PRKCH: variants seen among roughly 807,000 people sequenced by gnomAD.
PRKCH encodes protein kinase C eta type.
Under a neutral mutation model 82.5 loss-of-function variants are expected in PRKCH, and 28 were observed. That is an observed-to-expected ratio of 0.34 (90% CI 0.25 to 0.47). The LOEUF (loss-of-function observed/expected upper bound fraction) is 0.47. Among genes scored for constraint, PRKCH ranks in the 20% least tolerant of loss-of-function variants. The pLI, the probability that PRKCH is intolerant of heterozygous loss-of-function variation, is 1.00. For synonymous variants in PRKCH, 322 were observed against 327.4 expected, an observed-to-expected ratio of 0.98 and a Z score of 0.18; for missense variants, 705 against 881.8, an observed-to-expected ratio of 0.80 and a Z score of 2.54.
intron 1 of PRKCH, among the ~76,000 whole-genome samples, chr14:61,376,897 G>T (rs1468413207): frequency 6.6e-6 from 1 of 152,136 alleles, no homozygotes; most frequent in Non-Finnish European, 1.5e-5. Context: ...TGTATTCCTT[G>T]CAGCTTCTGT....
chr14:61,233,947 C>T (rs536638916), intron 1 of PRKCH, among the ~76,000 whole-genome samples: 2 of 152,290 alleles, frequency 1.3e-5, no homozygotes, highest in South Asian at 4.1e-4. Context: ...CTTTTACCCT[C>T]GGATACTATT....
intron 7 of PRKCH, among the ~76,000 whole-genome samples, chr14:61,456,217 G>A (rs923321342): frequency 8.5e-5 from 13 of 152,212 alleles, no homozygotes; most frequent in African/African-American, 2.9e-4. Context: ...CTGAGGTAGG[G>A]AGAGGCTGGG....
chr14:61,255,799 A>G (rs566267430), intron 1 of PRKCH, among the ~76,000 whole-genome samples: 2 of 152,336 alleles, frequency 1.3e-5, no homozygotes, highest in East Asian at 3.9e-4. Flanking sequence ...TCTAGACTTA[A>G]TAATTTTGGA....
chr14:61,449,874 CTCTCTCTCTCTCTCTCTCTCTCTCTCTG>C (rs1884405749), intron 5 of PRKCH, among the ~76,000 whole-genome samples: 1 of 48,046 alleles, frequency 2.1e-5, no homozygotes, highest in African/African-American at 3.6e-5. Flanking sequence ...CTCTCTCTCT[CTCTCTCTCTCTCTCTCTCTCTCTCTCTG>C]TGTGTGTGTG....
At chr14:61,404,506 A>G (rs1203309226) in intron 2 of PRKCH, among the ~76,000 whole-genome samples, 14 of 143,972 alleles carry the variant, frequency 9.7e-5, no homozygotes, top group Non-Finnish European at 3.0e-5. Flanking sequence ...GTAGAAAACT[A>G]TGTAATGGAT....
chr14:61,212,326 G>C (rs887428751), intron 1 of PRKCH, among the ~76,000 whole-genome samples: 1 of 152,174 alleles, frequency 6.6e-6, no homozygotes, highest in Non-Finnish European at 1.5e-5. Context: ...GTTGCAGAGC[G>C]GTTGTAACTA....
In PRKCH at chr14:61,322,212, C is replaced by T. The variant is rs769941826; in HGVS notation, c.111C>T (p.Gly37=). 5.6e-6 allele frequency: 9 copies of T among 1,613,204 alleles called. No individual in the cohort carries two copies. Among genetic ancestry groups the T allele is most frequent in the East Asian group, 2.2e-5 (1 of 44,718 alleles). Residue 37 remains glycine (G), a synonymous_variant, in exon 1 of 14, where the codon GGC becomes GGT. Coordinates refer to ENST00000332981, the MANE Select transcript of PRKCH (RefSeq NM_006255.5). ...WSLRHSLFKK[G]HQLLDPYLTV... ...TGCGCCACTCGCTCTTCAAGAAGGG[C>T]CACCAGCTGCTGGACCCCTATCTGA... is the stretch of plus-strand genomic sequence containing the variant.
At chr14:61,317,100 G>C (rs1308790122), upstream of PRKCH, among the ~76,000 whole-genome samples, 3 of 152,206 alleles carry the variant, frequency 2.0e-5, no homozygotes, top group Non-Finnish European at 4.4e-5. Flanking sequence ...GGCAGGCTGA[G>C]AGCCACAACA....
upstream of PRKCH, among the ~76,000 whole-genome samples, chr14:61,321,158 C>T (rs2045613946): frequency 6.6e-6 from 1 of 152,240 alleles, no homozygotes. The surrounding 1 kb of genome is among the most constrained non-coding windows in gnomAD (Gnocchi z 4.1). Flanking sequence ...GAAAAAGAAC[C>T]TCCCCGCCGT....
intron 12 of PRKCH, among the ~76,000 whole-genome samples, chr14:61,531,796 T>G (rs796184526): frequency 5.3e-5 from 8 of 152,312 alleles, no homozygotes; most frequent in African/African-American, 1.9e-4. Context: ...ATCTAACATG[T>G]TTTTGTAAGA....
At chr14:61,352,984 A>G (rs538563279) in intron 1 of PRKCH, among the ~76,000 whole-genome samples, 2 of 152,366 alleles carry the variant, frequency 1.3e-5, no homozygotes, top group East Asian at 3.9e-4. Context: ...TCTGTAATCA[A>G]AAACATTAAT....
At chr14:61,247,776 T>C (rs142483599) in intron 1 of PRKCH, among the ~76,000 whole-genome samples, 91 of 142,520 alleles carry the variant, frequency 6.4e-4, no homozygotes, top group African/African-American at 2.2e-3. Flanking sequence ...AGAAAGGAAT[T>C]GAACAGAAAA....
intron 1 of PRKCH, among the ~76,000 whole-genome samples, chr14:61,311,775 T>A (rs374815686): frequency 3.3e-5 from 5 of 152,228 alleles, no homozygotes; most frequent in African/African-American, 7.2e-5. Flanking sequence ...AATTGTAGTT[T>A]TTGTAAATGT....
chr14:61,348,560 C>A (rs896273669), intron 1 of PRKCH, among the ~76,000 whole-genome samples: 13 of 152,172 alleles, frequency 8.5e-5, no homozygotes, highest in African/African-American at 2.9e-4. Context: ...AATGGCAGAA[C>A]TTTTATTACT....
intron 1 of PRKCH, among the ~76,000 whole-genome samples, chr14:61,256,037 G>C (rs1246749879): frequency 6.6e-6 from 1 of 152,150 alleles, no homozygotes; most frequent in Non-Finnish European, 1.5e-5. Flanking sequence ...GCGCGAGTCT[G>C]GGATTCTATT....
chr14:61,202,748 C>A (rs905478396), intron 1 of PRKCH, among the ~76,000 whole-genome samples: 1 of 152,098 alleles, frequency 6.6e-6, no homozygotes, highest in South Asian at 2.1e-4. Flanking sequence ...ACAGAAAAAT[C>A]GTATGGGAAG....
At chr14:61,286,787 A>T (rs1039020520) in intron 1 of PRKCH, among the ~76,000 whole-genome samples, 2 of 152,040 alleles carry the variant, frequency 1.3e-5, no homozygotes, top group Non-Finnish European at 2.9e-5. Context: ...AAAAAAAAAG[A>T]GGGTGAACTG....
At chr14:61,443,295 G>C (rs779671714) in intron 3 of PRKCH, 34 bp downstream of exon 3, 1 of 1,594,994 alleles carries the variant, frequency 6.3e-7, no homozygotes, top group Admixed American at 1.7e-5. Flanking sequence ...CCTCCTCAGA[G>C]CTTCCATCTA....
intron 2 of PRKCH, among the ~76,000 whole-genome samples, chr14:61,414,385 G>A (rs1882446493): frequency 6.7e-6 from 1 of 149,314 alleles, no homozygotes; most frequent in African/African-American, 2.5e-5. Flanking sequence ...CTACTCTTCT[G>A]TCTCAGCCTC....
Sources: allele counts gnomAD v4.1 joint callset (sites outside exome capture counted in the v4.1 genomes callset), GRCh38; gene constraint gnomAD v4.1.1; non-coding constraint Gnocchi (gnomAD v3.1); transcripts MANE v1.5; gene names NCBI Gene and HGNC (gene_info 2026-07-23, HGNC 2026-07-21).